Variants in RAB22A observed in about 807,000 individuals in gnomAD.
The protein encoded by RAB22A is ras-related protein Rab-22A.
In RAB22A, 13 loss-of-function variants were observed where a neutral mutation model predicts 30.2. That is an observed-to-expected ratio of 0.43 (90% CI 0.28 to 0.68). RAB22A has a LOEUF of 0.68. Among genes scored for constraint, RAB22A ranks in the 30% least tolerant of loss-of-function variants. The pLI is 0.18. For missense variants in RAB22A, 177 were observed against 246.8 expected (o/e 0.72, Z 1.89); for synonymous variants, 89 against 87.2 (o/e 1.02, Z -0.11).
rs1216374585 is a variant in RAB22A at position 58,363,272 on chromosome 20, C to CT, written c.*3572dup. ...GTGAGTTACAGAATTCTTTTTGGTACTTTCACTTATTCTTTCAGAATACAT... is the reference window on the plus strand; with the variant it reads ...GTGAGTTACAGAATTCTTTTTGGTACTTTTCACTTATTCTTTCAGAATACAT... On this transcript the variant is annotated 3_prime_UTR_variant, in exon 7 of 7. Coordinates refer to ENST00000244040, the MANE Select transcript of RAB22A (RefSeq NM_020673.3). 6.6e-6 allele frequency: 1 copy of CT among 152,178 alleles called. No homozygotes were observed. Among genetic ancestry groups the CT allele is most frequent in the Non-Finnish European group, 1.5e-5 (1 of 68,018 alleles). The allele number at this position is 152,178 out of a possible 1,614,324, so 9.4% of individuals were successfully genotyped here.
Position 58,309,997 on chromosome 20 carries a change from A to T in RAB22A, c.21A>T (p.Lys7Asn). 1.6e-6 allele frequency: 2 copies of T among 1,284,018 alleles called. No individual in the cohort carries two copies. Among genetic ancestry groups the T allele is most frequent in the Non-Finnish European group, 2.0e-6 (2 of 1,008,644 alleles). The allele number at this position is 1,284,018 out of a possible 1,614,324, so 79.5% of individuals were successfully genotyped here. The change falls in exon 1 of 7, where the codon AAA becomes AAT. Residue 7 changes from lysine to asparagine, a missense_variant. Physicochemically the swap from Lys to Asn is moderately conservative, Grantham distance 94. Coordinates refer to ENST00000244040, the MANE Select transcript of RAB22A (RefSeq NM_020673.3). Reference sequence around the variant, plus strand: ...GGGCCATGGCGCTGAGGGAGCTCAAAGTGTGTCTGCTCGGGGTGAGTGGCG... The same window carrying T: ...GGGCCATGGCGCTGAGGGAGCTCAATGTGTGTCTGCTCGGGGTGAGTGGCG... Reference protein sequence around the residue: MALRELKVCLLGDTGVG... With the variant: MALRELNVCLLGDTGVG...
chr20:58,327,900 A>T (rs1283973169), intron 2 of RAB22A, among the ~76,000 whole-genome samples: 1 of 152,350 alleles, frequency 6.6e-6, no homozygotes, highest in East Asian at 1.9e-4. Context: ...GAAGGAAACT[A>T]TAAAGAGTCA....
intron 2 of RAB22A, 63 bp from the exon 3 acceptor site, chr20:58,343,655 C>T (rs918340656): frequency 4.5e-6 from 6 of 1,327,418 alleles, no homozygotes; most frequent in African/African-American, 2.9e-5. Context: ...GTGATGTTTC[C>T]GACTGGGGCT....
chr20:58,333,212 G>A (rs898090746), intron 2 of RAB22A, among the ~76,000 whole-genome samples: 6 of 151,960 alleles, frequency 3.9e-5, no homozygotes, highest in East Asian at 1.9e-4. Context: ...CCCAGGAGGC[G>A]GAGGTTGCAG....
In RAB22A at chr20:58,352,251, T is replaced by G. The variant is rs1172352790; in HGVS notation, c.199-1022T>G. ...TTAAAAGCCAAAAGGTTAAACTCAT[T>G]GGATAAGCAGTTCCAGAATCCATAG... On this transcript the variant is annotated intron_variant, in intron 3 of 6. Transcript: ENST00000244040. 2.6e-5 allele frequency among the ~76,000 whole-genome samples: 4 copies of G among 152,306 alleles called. No homozygotes were observed. The East Asian group carries it at 7.7e-4, about 29-fold the overall frequency.
At chr20:58,334,440 T>C (rs1437443988) in intron 2 of RAB22A, among the ~76,000 whole-genome samples, 1 of 151,652 alleles carries the variant, frequency 6.6e-6, no homozygotes, top group Non-Finnish European at 1.5e-5. Flanking sequence ...AATACCAAAA[T>C]GGGAAACATT....
At chr20:58,349,574 C>T (rs891993732) in intron 3 of RAB22A, among the ~76,000 whole-genome samples, 1 of 152,174 alleles carries the variant, frequency 6.6e-6, no homozygotes, top group Non-Finnish European at 1.5e-5. Context: ...TTCAGCTGCT[C>T]CTCATTACAG....
At chr20:58,323,025 T>C (rs868839048) in intron 2 of RAB22A, among the ~76,000 whole-genome samples, 3 of 152,218 alleles carry the variant, frequency 2.0e-5, no homozygotes, top group African/African-American at 4.8e-5. Flanking sequence ...GTGTTTTTGA[T>C]TGGCCTTGTG....
chr20:58,329,313 A>G (rs527785103), intron 2 of RAB22A, among the ~76,000 whole-genome samples: 37 of 152,262 alleles, frequency 2.4e-4, no homozygotes, highest in African/African-American at 8.4e-4. Context: ...TCAGCATCCC[A>G]AAGTGCTGGG....
intron 6 of RAB22A, among the ~76,000 whole-genome samples, chr20:58,357,227 T>C (rs1193967685): frequency 1.3e-5 from 2 of 152,236 alleles, no homozygotes; most frequent in African/African-American, 4.8e-5. Context: ...CGAGCACATT[T>C]CCGAATATAT....
At chr20:58,353,851 G>T (rs1381315619) in intron 5 of RAB22A, among the ~76,000 whole-genome samples, 3 of 152,174 alleles carry the variant, frequency 2.0e-5, no homozygotes, top group Non-Finnish European at 4.4e-5. Context: ...ACATTTATTG[G>T]CAGTTTCCCT....
chr20:58,333,781 G>A (rs1986699456), intron 2 of RAB22A, among the ~76,000 whole-genome samples: 1 of 152,182 alleles, frequency 6.6e-6, no homozygotes. Context: ...AGGGCCCAGT[G>A]CCATGGCTCA....
In RAB22A at chr20:58,366,418, G is replaced by A. The variant is rs1281324560; in HGVS notation, c.*6715G>A. ...TTCCAGCATTCGATATTACAGTAGG[G>A]AGACTGCATTTAACAATAATTGATT... On this transcript the variant is annotated 3_prime_UTR_variant, in exon 7 of 7. Transcript: ENST00000244040. The A allele has an allele frequency of 6.6e-6, 1 of 152,208 alleles. No homozygotes were observed. The highest frequency in any genetic ancestry group is 2.4e-5 in the African/African-American group (1 of 41,456). The allele number at this position is 152,208 out of a possible 1,614,324, so 9.4% of individuals were successfully genotyped here.
chr20:58,365,611 C>G lies in RAB22A; in HGVS notation c.*5908C>G, dbSNP rs559167806. The G allele has an allele frequency of 6.6e-6, 1 of 152,118 alleles. No homozygotes were observed. The highest frequency in any genetic ancestry group is 2.4e-5 in the African/African-American group (1 of 41,500). 9.4% of individuals were successfully genotyped at this position (152,118 alleles called of 1,614,324 possible). A position where few individuals can be genotyped will look rare whatever the true frequency, so the allele number is the denominator to read the frequency against. On this transcript the variant is annotated 3_prime_UTR_variant, in exon 7 of 7. Coordinates refer to ENST00000244040, the MANE Select transcript of RAB22A (RefSeq NM_020673.3). ...GTCAGAGGGACTGGTCAGTTCTTTA[C>G]AGGGTGAATTAATCGGCAGCTGGCT... is the stretch of plus-strand genomic sequence containing the variant.
intron 3 of RAB22A, among the ~76,000 whole-genome samples, chr20:58,350,822 A>G (rs902862867): frequency 6.6e-6 from 1 of 152,256 alleles, no homozygotes. Context: ...AATAATAGCC[A>G]CTAGAAATGG....
In RAB22A at chr20:58,321,689, G is replaced by A. The variant is rs998399445; in HGVS notation, c.116+10567G>A. On this transcript the variant is annotated intron_variant, in intron 2 of 6. Transcript: ENST00000244040. ...TTTTGCTTCATGTTTCGAAGCTTTC[G>A]TTATTGAGTGTATATGCATGTAGCA... Among the ~76,000 whole-genome samples the A allele has an allele frequency of 2.0e-4, 31 of 152,086 alleles. 1 individual carries two copies. Among genetic ancestry groups the A allele is most frequent in the Admixed American group, 1.4e-3 (22 of 15,288 alleles).
intron 6 of RAB22A, among the ~76,000 whole-genome samples, chr20:58,356,213 C>T (rs1408259100): frequency 2.0e-5 from 3 of 151,028 alleles, no homozygotes; most frequent in South Asian, 2.1e-4. Context: ...TGTGAGGCTG[C>T]GGCAGGAGAC....
chr20:58,364,442 A>G lies in RAB22A; in HGVS notation c.*4739A>G, dbSNP rs1987279676. The stretch of plus-strand genomic sequence containing the variant: ...TCAAAACAAAAGGATTCATAAGCTT[A>G]AAAAAACAAAAATCCCAAACCTTCC... On this transcript the variant is annotated 3_prime_UTR_variant, in exon 7 of 7. Transcript: ENST00000244040. 1 of 152,214 alleles carries G rather than the reference A, an allele frequency of 6.6e-6. No homozygotes were observed. The highest frequency in any genetic ancestry group is 1.5e-5 in the Non-Finnish European group (1 of 68,044). The allele number at this position is 152,214 out of a possible 1,614,324, so 9.4% of individuals were successfully genotyped here. A position where few individuals can be genotyped will look rare whatever the true frequency, so the allele number is the denominator to read the frequency against.
At chr20:58,336,875 A>G (rs576108268) in intron 2 of RAB22A, among the ~76,000 whole-genome samples, 76 of 151,610 alleles carry the variant, frequency 5.0e-4, no homozygotes, top group Non-Finnish European at 8.2e-4. Context: ...ACCTAACTGC[A>G]CTCTGCCCAC....
Sources: gnomAD v4.1 joint callset for allele counts (sites outside exome capture counted in the v4.1 genomes callset) on GRCh38, gnomAD v4.1.1 for gene constraint, MANE v1.5 for transcripts, NCBI Gene and HGNC (gene_info 2026-07-23, HGNC 2026-07-21) for gene names.